Variants in KCTD16 observed in about 807,000 individuals in gnomAD.
The protein encoded by KCTD16 is potassium channel tetramerization domain containing 16.
A neutral mutation model predicts 33.2 loss-of-function variants in KCTD16; 13 were observed. That is an observed-to-expected ratio of 0.39 (90% CI 0.25 to 0.62). KCTD16 has a LOEUF of 0.62. Ranked by LOEUF, KCTD16 falls within the 20% of genes least tolerant of loss-of-function variation. The pLI, the probability that KCTD16 is intolerant of heterozygous loss-of-function variation, is 0.50. For synonymous variants in KCTD16, 197 were observed against 195.3 expected, an observed-to-expected ratio of 1.01 and a Z score of -0.07; for missense variants, 441 against 525.1, an observed-to-expected ratio of 0.84 and a Z score of 1.57.
At chr5:144,239,928 CAT>C (rs1754354783) in intron 3 of KCTD16, among the ~76,000 whole-genome samples, 1 of 152,092 alleles carries the variant, frequency 6.6e-6, no homozygotes, top group Non-Finnish European at 1.5e-5. Flanking sequence ...ATGTAAAATG[CAT>C]AGTGTCAGCT....
At chr5:144,336,071 T>C (rs997944627) in intron 3 of KCTD16, among the ~76,000 whole-genome samples, 3 of 152,184 alleles carry the variant, frequency 2.0e-5, no homozygotes, top group African/African-American at 7.2e-5. Flanking sequence ...GAAAAGGCCT[T>C]CCTGTGAGAC....
intron 3 of KCTD16, among the ~76,000 whole-genome samples, chr5:144,288,323 G>A (rs1755803929): frequency 1.3e-5 from 2 of 152,160 alleles, no homozygotes; most frequent in Admixed American, 6.5e-5. Context: ...GAATAGGGAT[G>A]ATGCTAACAG....
chr5:144,200,056 C>A lies in KCTD16; in HGVS notation c.-326-6333C>A, dbSNP rs928660592. Among the ~76,000 whole-genome samples, 3 of 152,136 alleles carry A rather than the reference C, an allele frequency of 2.0e-5. No individual in the cohort carries two copies. The South Asian group carries it at 6.2e-4, about 32-fold the overall frequency. On this transcript the variant is annotated intron_variant, in intron 2 of 3. Coordinates refer to ENST00000512467, the MANE Select transcript of KCTD16 (RefSeq NM_020768.4). Reference sequence around the variant, plus strand: ...ACAGAAATGTATACTTGCGTACACACTCACATACATGCACACCGCAAAAAT... The same window carrying A: ...ACAGAAATGTATACTTGCGTACACAATCACATACATGCACACCGCAAAAAT...
At chr5:144,375,371 C>T (rs1752066796) in intron 3 of KCTD16, among the ~76,000 whole-genome samples, 1 of 152,150 alleles carries the variant, frequency 6.6e-6, no homozygotes, top group Admixed American at 6.5e-5. Flanking sequence ...TATAATCATA[C>T]ATATCTCTGC....
intron 3 of KCTD16, among the ~76,000 whole-genome samples, chr5:144,459,254 C>G (rs1754139882): frequency 6.6e-6 from 1 of 152,222 alleles, no homozygotes; most frequent in East Asian, 1.9e-4. Context: ...TCCATCCTCA[C>G]TCCTAGAAGT....
rs904365945 is a variant in KCTD16 at position 144,334,943 on chromosome 5, A to AT, written c.832+127407dup. On this transcript the variant is annotated intron_variant, in intron 3 of 3. Transcript: ENST00000512467. ...CGGCATGTACTACCACACCTGGCTA[A>AT]TTTTTTTTTTATTTTTTGTAGAGAT... Among the ~76,000 whole-genome samples the AT allele has an allele frequency of 3.4e-4, 51 of 149,844 alleles. 1 individual carries two copies. The South Asian group carries it at 4.0e-3, about 12-fold the overall frequency.
chr5:144,295,054 T>A lies in KCTD16; in HGVS notation c.832+87508T>A, dbSNP rs141996353. ...TGTAAACTGCTGGGGATAGGCATGG[T>A]CTTTGACTTGATGGCGCTAACATAT... On this transcript the variant is annotated intron_variant, in intron 3 of 3. Coordinates refer to ENST00000512467, the MANE Select transcript of KCTD16 (RefSeq NM_020768.4). Among the ~76,000 whole-genome samples the A allele has an allele frequency of 3.9e-3, 587 of 152,318 alleles. 4 individuals carry two copies. The highest frequency in any genetic ancestry group is 0.022 in the Admixed American group (338 of 15,298).
intron 3 of KCTD16, among the ~76,000 whole-genome samples, chr5:144,274,307 T>C (rs1421824871): frequency 1.3e-5 from 2 of 152,012 alleles, no homozygotes; most frequent in African/African-American, 4.8e-5. Flanking sequence ...AACTTAAGTG[T>C]GTAGGAATAA....
At chr5:144,319,342 T>A (rs1175753697) in intron 3 of KCTD16, among the ~76,000 whole-genome samples, 3 of 152,354 alleles carry the variant, frequency 2.0e-5, no homozygotes, top group Non-Finnish European at 4.4e-5. Context: ...ATCTACTCTC[T>A]GCTACCAAAC....
chr5:144,207,225 A>C lies in KCTD16; in HGVS notation c.511A>C (p.Arg171=), dbSNP rs371296124. Residue 171 remains arginine (R), a synonymous_variant, in exon 3 of 4, where the codon AGA becomes CGA. Coordinates refer to ENST00000512467, the MANE Select transcript of KCTD16 (RefSeq NM_020768.4). ...GTGGGGTTTCATTACTGTGGGTTACAGAGGATCCTGCACCTTGGGCAGAGA... is the reference window on the plus strand; with the variant it reads ...GTGGGGTTTCATTACTGTGGGTTACCGAGGATCCTGCACCTTGGGCAGAGA... The part of the protein sequence containing the change: ...RKWGFITVGY[R]GSCTLGREGQ... 6.2e-7 allele frequency: 1 copy of C among 1,613,940 alleles called. No individual in the cohort carries two copies. The highest frequency in any genetic ancestry group is 8.5e-7 in the Non-Finnish European group (1 of 1,179,986).
In KCTD16 at chr5:144,404,739, G is replaced by A. The variant is rs1467935362; in HGVS notation, c.833-68921G>A. Among the ~76,000 whole-genome samples the A allele has an allele frequency of 2.0e-5, 3 of 152,142 alleles. No homozygotes were observed. In the South Asian group the frequency reaches 6.2e-4, roughly 32 times the overall value. ...GTGTTCTATTATGGATCTGACTGTG[G>A]TAGAGAGGTGGCAGGTTTGCTTGGT... On this transcript the variant is annotated intron_variant, in intron 3 of 3. Coordinates refer to ENST00000512467, the MANE Select transcript of KCTD16 (RefSeq NM_020768.4).
rs1754739293 is a variant in KCTD16 at position 144,483,166 on chromosome 5, A to C, written c.*9052A>C. ...AAAAAAAAAAAAAACCAAACCAGAA[A>C]AAACCCAAAACACTACCAAATGAAC... On this transcript the variant is annotated 3_prime_UTR_variant, in exon 4 of 4. Coordinates refer to ENST00000512467, the MANE Select transcript of KCTD16 (RefSeq NM_020768.4). 1 of 151,228 alleles carries C rather than the reference A, an allele frequency of 6.6e-6. No individual in the cohort carries two copies. The highest frequency in any genetic ancestry group is 1.9e-4 in the East Asian group (1 of 5,142). The allele number at this position is 151,228 out of a possible 1,614,324, so 9.4% of individuals were successfully genotyped here.
At chr5:144,180,915 A>G (rs908583473) in intron 2 of KCTD16, among the ~76,000 whole-genome samples, 1 of 152,036 alleles carries the variant, frequency 6.6e-6, no homozygotes, top group African/African-American at 2.4e-5. Flanking sequence ...AAAGACAATT[A>G]TACTGCAACT....
chr5:144,323,572 C>A (rs1778059083), intron 3 of KCTD16, among the ~76,000 whole-genome samples: 1 of 152,172 alleles, frequency 6.6e-6, no homozygotes, highest in South Asian at 2.1e-4. Context: ...TCTTAGGAAT[C>A]AGCCTGCTCT....
chr5:144,293,194 T>G (rs1019721905), intron 3 of KCTD16, among the ~76,000 whole-genome samples: 1 of 152,228 alleles, frequency 6.6e-6, no homozygotes, highest in African/African-American at 2.4e-5. Flanking sequence ...TTTTCCTTTC[T>G]CTATTTGATG....
chr5:144,240,976 G>A (rs1274737121), intron 3 of KCTD16, among the ~76,000 whole-genome samples: 3 of 152,108 alleles, frequency 2.0e-5, no homozygotes, highest in African/African-American at 4.8e-5. Context: ...AGTGAGCAAG[G>A]ATGGGATCGA....
At chr5:144,237,041 G>A (rs1461817799) in intron 3 of KCTD16, among the ~76,000 whole-genome samples, 1 of 151,974 alleles carries the variant, frequency 6.6e-6, no homozygotes, top group Non-Finnish European at 1.5e-5. Flanking sequence ...AGTTCTAGAT[G>A]GTTGGAAATA....
chr5:144,284,371 AAAG>A (rs1755685309), intron 3 of KCTD16, among the ~76,000 whole-genome samples: 1 of 152,216 alleles, frequency 6.6e-6, no homozygotes, highest in African/African-American at 2.4e-5. Context: ...GGCAATGTTG[AAAG>A]AAGGATAGAA....
chr5:144,351,898 G>T (rs1751446263), intron 3 of KCTD16, among the ~76,000 whole-genome samples: 1 of 152,126 alleles, frequency 6.6e-6, no homozygotes, highest in Non-Finnish European at 1.5e-5. Flanking sequence ...GAACTGGAAA[G>T]ATATTGGTCA....
Sources: gnomAD v4.1 joint callset for allele counts (sites outside exome capture counted in the v4.1 genomes callset) on GRCh38, gnomAD v4.1.1 for gene constraint, MANE v1.5 for transcripts, NCBI Gene and HGNC (gene_info 2026-07-23, HGNC 2026-07-21) for gene names.